Variants in LMBRD1 observed in about 807,000 individuals in gnomAD.
The protein encoded by LMBRD1 is LMBR1 domain containing 1.
Under a neutral mutation model 74.8 loss-of-function variants are expected in LMBRD1, and 64 were observed. The observed-to-expected ratio is 0.86, with a 90% confidence interval of 0.70 to 1.05. The LOEUF is 1.05. Among genes scored for constraint, LMBRD1 ranks in the 50% least tolerant of loss-of-function variants. The pLI, the probability that LMBRD1 is intolerant of heterozygous loss-of-function variation, is 0.00. For synonymous variants in LMBRD1, 204 were observed against 216.3 expected (o/e 0.94, Z 0.50); for missense variants, 652 against 645.9 (o/e 1.01, Z -0.10).
intron 9 of LMBRD1, 21 bp downstream of exon 9, chr6:69,713,624 A>C (rs762442828): frequency 3.1e-6 from 5 of 1,612,698 alleles, no homozygotes; most frequent in Non-Finnish European, 4.2e-6. Flanking sequence ...TGACAGCATA[A>C]TTTTTAAAAA....
rs1361816808 is a variant in LMBRD1 at position 69,713,735 on chromosome 6, C to T, written c.825G>A (p.Arg275=). 1.2e-6 allele frequency: 2 copies of T among 1,613,712 alleles called. No homozygotes were observed. The highest frequency in any genetic ancestry group is 3.3e-5 in the Admixed American group (2 of 59,926). Residue 275 remains arginine (R), a synonymous_variant, in exon 9 of 16, where the codon AGG becomes AGA. Transcript: ENST00000649934. ...TCTCTCTCTTCTTAAGTGTTCGTAA[C>T]CTTTCTTCAAATTGTTTTAAGGCGC... ...DKRALKQFEE[R]LRTLKKRERH... is the part of the protein sequence containing the mutation.
rs45559535 is a variant in LMBRD1, at chr6:69,738,101, G to T, written c.563-86C>A. On this transcript the variant is annotated intron_variant, in intron 6 of 15. Coordinates refer to ENST00000649934, the MANE Select transcript of LMBRD1 (RefSeq NM_018368.4). The stretch of plus-strand genomic sequence containing the variant: ...GCAAATCAACATAGAAAGCTGAGCT[G>T]CTTACACATTTTGAAGAAATAAAAA... 371,330 of 954,358 alleles carry T rather than the reference G, an allele frequency of 0.39. 75,998 individuals are homozygous for T. The highest frequency in any genetic ancestry group is 0.54 in the East Asian group (20,683 of 37,976). The allele number at this position is 954,358 out of a possible 1,614,324, so 59.1% of individuals were successfully genotyped here. A position where few individuals can be genotyped will look rare whatever the true frequency, so the allele number is the denominator to read the frequency against.
At chr6:69,736,650 A>G (rs1766984705) in intron 7 of LMBRD1, among the ~76,000 whole-genome samples, 1 of 152,128 alleles carries the variant, frequency 6.6e-6, no homozygotes, top group African/African-American at 2.4e-5. Context: ...TCATTTCTCT[A>G]AAGGTTTCAA....
intron 7 of LMBRD1, among the ~76,000 whole-genome samples, chr6:69,722,910 A>G (rs1766647715): frequency 6.6e-6 from 1 of 152,188 alleles, no homozygotes. Context: ...TGGATAAGAA[A>G]TCCAAGACCC....
chr6:69,711,408 TTAGTAAAG>T (rs1227665921), intron 9 of LMBRD1, among the ~76,000 whole-genome samples: 1 of 152,172 alleles, frequency 6.6e-6, no homozygotes, highest in Non-Finnish European at 1.5e-5. Flanking sequence ...GTCTGTACAC[TTAGTAAAG>T]TTGATTTGAA....
chr6:69,796,688 A>T, intron 1 of LMBRD1, 125 bp downstream of exon 1: 1 of 834,414 alleles, frequency 1.2e-6, no homozygotes, highest in Non-Finnish European at 2.0e-6. Context: ...AGCCCTCCAC[A>T]GTCCAAGCTA....
chr6:69,685,221 G>A (rs755011258), intron 14 of LMBRD1, among the ~76,000 whole-genome samples: 16 of 152,118 alleles, frequency 1.1e-4, no homozygotes, highest in Non-Finnish European at 1.9e-4. Flanking sequence ...GAAAATGGGA[G>A]GGGTAGGGCG....
chr6:69,771,875 G>GA (rs34998938), intron 3 of LMBRD1, among the ~76,000 whole-genome samples: 26 of 148,918 alleles, frequency 1.7e-4, no homozygotes, highest in Non-Finnish European at 3.0e-4. Context: ...ATTATAGCTA[G>GA]AAAAAAAAAA....
chr6:69,791,348 C>G (rs1407752196), intron 1 of LMBRD1, among the ~76,000 whole-genome samples: 1 of 152,194 alleles, frequency 6.6e-6, no homozygotes, highest in African/African-American at 2.4e-5. Flanking sequence ...AGAACTTCTA[C>G]TCTACTCATA....
At chr6:69,751,018 TAA>T (rs1472219066) in intron 4 of LMBRD1, among the ~76,000 whole-genome samples, 1 of 152,168 alleles carries the variant, frequency 6.6e-6, no homozygotes, top group Non-Finnish European at 1.5e-5. Flanking sequence ...GTCAAAAAGA[TAA>T]GACATTTAGT....
chr6:69,752,470 C>A, intron 3 of LMBRD1, 114 bp from the exon 4 acceptor site: 1 of 845,800 alleles, frequency 1.2e-6, no homozygotes, highest in South Asian at 1.6e-5. Context: ...ATCTGATTCC[C>A]TCTTCTCATA....
At chr6:69,719,688 T>C (rs192924944) in intron 7 of LMBRD1, among the ~76,000 whole-genome samples, 27 of 152,326 alleles carry the variant, frequency 1.8e-4, no homozygotes, top group Admixed American at 1.8e-3. Flanking sequence ...GACAGCTTTT[T>C]AATATAATCA....
intron 5 of LMBRD1, among the ~76,000 whole-genome samples, chr6:69,748,135 A>G (rs933157123): frequency 1.3e-5 from 2 of 152,226 alleles, no homozygotes; most frequent in African/African-American, 4.8e-5. Context: ...GAACACAGTC[A>G]TGTTCTTTGT....
At chr6:69,718,488 T>C (rs1766541300) in intron 8 of LMBRD1, among the ~76,000 whole-genome samples, 1 of 152,178 alleles carries the variant, frequency 6.6e-6, no homozygotes, top group Non-Finnish European at 1.5e-5. Context: ...TATGCTGCTA[T>C]AAAGAACTAC....
chr6:69,731,172 G>A (rs550547525), intron 7 of LMBRD1, among the ~76,000 whole-genome samples: 2 of 152,178 alleles, frequency 1.3e-5, no homozygotes, highest in African/African-American at 4.8e-5. Context: ...GGAGTAGGGA[G>A]GGGAGATGAA....
chr6:69,780,995 C>A (rs1324097010), intron 2 of LMBRD1, among the ~76,000 whole-genome samples: 1 of 152,134 alleles, frequency 6.6e-6, no homozygotes, highest in African/African-American at 2.4e-5. Flanking sequence ...AAGAGAAGGA[C>A]ACATATGTCA....
chr6:69,683,242 T>G (rs1291089960), intron 14 of LMBRD1, among the ~76,000 whole-genome samples: 2 of 152,006 alleles, frequency 1.3e-5, no homozygotes, highest in African/African-American at 4.8e-5. Context: ...CATCAGGCTA[T>G]CTAAGCTAGA....
rs1766127902 is a variant in LMBRD1, at chr6:69,701,466, T to C, written c.1060A>G (p.Met354Val). The change falls in exon 11 of 16, where the codon ATG (methionine) becomes GTG (valine). Residue 354 changes from methionine to valine, a missense_variant. Around this residue, in one of 3 missense-constraint regions of LMBRD1, gnomAD observed 598 missense variants for 581.8 expected, o/e 1.03. Transcript: ENST00000649934. ...FGANLSNPLNMLLPLLQTVFP... is the reference protein window; with the variant it reads ...FGANLSNPLNVLLPLLQTVFP... ...ACTGTTTGTAGTAAAGGCAAAAGCA[T>C]ATTCAGTGGATTACTCAGGTTAGCT... 2 of 1,601,262 alleles carry C rather than the reference T, an allele frequency of 1.2e-6. No individual in the cohort carries two copies. The highest frequency in any genetic ancestry group is 2.2e-5 in the East Asian group (1 of 44,584).
intron 5 of LMBRD1, among the ~76,000 whole-genome samples, chr6:69,747,107 A>G (rs951849770): frequency 2.6e-5 from 4 of 152,028 alleles, no homozygotes; most frequent in African/African-American, 9.7e-5. Flanking sequence ...CTAACCCCCA[A>G]TGTAATGGTA....
Sources: allele counts gnomAD v4.1 joint callset (sites outside exome capture counted in the v4.1 genomes callset), GRCh38; gene constraint gnomAD v4.1.1; regional missense constraint gnomAD v4.1.1; transcripts MANE v1.5; gene names NCBI Gene and HGNC (gene_info 2026-07-23, HGNC 2026-07-21).